The following NLGN1 variants were observed in gnomAD, a reference collection of about 807,000 sequenced individuals.
NLGN1 encodes neuroligin-1.
In NLGN1, 12 loss-of-function variants were observed where a neutral mutation model predicts 65.5. That is an observed-to-expected ratio of 0.18 (90% CI 0.12 to 0.30). The LOEUF (loss-of-function observed/expected upper bound fraction) is 0.30. Among genes scored for constraint, NLGN1 ranks in the 10% least tolerant of loss-of-function variants. The probability of loss-of-function intolerance (pLI) is 1.00; values close to 1 mark genes in which losing one functional copy is unlikely to be tolerated. For synonymous variants in NLGN1, 350 were observed against 359.5 expected (o/e 0.97, Z 0.30); for missense variants, 750 against 1,007.1 (o/e 0.74, Z 3.46).
Position 174,280,969 on chromosome 3 carries a change from GC to G in NLGN1, c.2141del (p.Pro714LeufsTer9). The G allele has an allele frequency of 6.2e-7, 1 of 1,613,356 alleles. No homozygotes were observed. Among genetic ancestry groups the G allele is most frequent in the Non-Finnish European group, 8.5e-7 (1 of 1,179,598 alleles). On this transcript the variant is annotated frameshift_variant, in exon 7 of 7. Transcript: ENST00000457714. LOFTEE classifies it high-confidence loss of function. The surrounding 1 kb of genome is among the most constrained non-coding windows in gnomAD (Gnocchi z 4.9). ...AGACATGATGTTCACAGGAGATGCAGCCCTCAGCGCACTACTACCAATGATC... is the reference window on the plus strand; with the variant it reads ...AGACATGATGTTCACAGGAGATGCAGCCTCAGCGCACTACTACCAATGATC...
intron 4 of NLGN1, among the ~76,000 whole-genome samples, chr3:173,816,700 C>T (rs962149909): frequency 6.6e-6 from 1 of 152,212 alleles, no homozygotes; most frequent in African/African-American, 2.4e-5. Context: ...CATCTCAAAA[C>T]ACTCTTCCTC....
intron 3 of NLGN1, among the ~76,000 whole-genome samples, chr3:173,743,380 C>T (rs1774924623): frequency 6.6e-6 from 1 of 152,026 alleles, no homozygotes; most frequent in African/African-American, 2.4e-5. Context: ...ACCAGCAGCT[C>T]AAGGGACAAA....
At chr3:173,968,496 C>T (rs1271031398) in intron 4 of NLGN1, among the ~76,000 whole-genome samples, 2 of 151,808 alleles carry the variant, frequency 1.3e-5, no homozygotes, top group African/African-American at 2.4e-5. Context: ...GAGTCAATGA[C>T]CATTTTTGCT....
At chr3:174,205,721 A>G (rs1735271189) in intron 4 of NLGN1, among the ~76,000 whole-genome samples, 1 of 152,232 alleles carries the variant, frequency 6.6e-6, no homozygotes, top group African/African-American at 2.4e-5. Context: ...TAGACAGATG[A>G]CTAATTTGTA....
At chr3:173,480,455 C>T (rs960991478) in intron 2 of NLGN1, among the ~76,000 whole-genome samples, 3 of 151,886 alleles carry the variant, frequency 2.0e-5, no homozygotes, top group Admixed American at 6.6e-5. Context: ...ATGGTTTGCA[C>T]GTATGCACTC....
intron 4 of NLGN1, among the ~76,000 whole-genome samples, chr3:173,964,173 G>A (rs899929839): frequency 2.0e-5 from 3 of 152,150 alleles, no homozygotes; most frequent in African/African-American, 7.2e-5. Flanking sequence ...GCAGACAGAT[G>A]ATATGACAGT....
chr3:173,409,015 G>A (rs928326491), intron 1 of NLGN1, among the ~76,000 whole-genome samples: 1 of 151,814 alleles, frequency 6.6e-6, no homozygotes, highest in Non-Finnish European at 1.5e-5. Flanking sequence ...ATTTCTTCAC[G>A]AGCCTTCTCT....
chr3:173,406,354 A>G (rs958934682), intron 1 of NLGN1, among the ~76,000 whole-genome samples: 1 of 151,708 alleles, frequency 6.6e-6, no homozygotes, highest in African/African-American at 2.4e-5. Context: ...ATCAGTAAGA[A>G]GCAAGAGAAA....
chr3:173,658,623 A>C lies in NLGN1; in HGVS notation c.493+53532A>C, dbSNP rs147663134. ...AGAACCGGGAAAAATGATTCAGTGA[A>C]GGCATCACAGCCTTCTTGCTACTTT... is the stretch of plus-strand genomic sequence containing the variant. On this transcript the variant is annotated intron_variant, in intron 3 of 6. Transcript: ENST00000457714. 5.4e-4 allele frequency among the ~76,000 whole-genome samples: 82 copies of C among 152,104 alleles called. 1 individual carries two copies. Among genetic ancestry groups the C allele is most frequent in the African/African-American group, 1.9e-3 (81 of 41,548 alleles).
intron 4 of NLGN1, among the ~76,000 whole-genome samples, chr3:173,954,561 T>C (rs903702258): frequency 1.3e-5 from 2 of 152,094 alleles, no homozygotes; most frequent in African/African-American, 2.4e-5. Context: ...ATTTCAAATG[T>C]CACTTCTTGA....
At position 173,800,020 on chromosome 3, in the gene NLGN1, T is replaced by TAA. The variant is rs34809469; in HGVS notation, c.494-7657_494-7656dup. On this transcript the variant is annotated intron_variant, in intron 3 of 6. Coordinates refer to ENST00000457714, the Ensembl canonical transcript of NLGN1. ...CAATGGGTATTTTTTTTTTTTTTTT[T>TAA]AAAAGTCTTTGCTCATGACTTGATT... is the stretch of plus-strand genomic sequence containing the variant. Among the ~76,000 whole-genome samples the TAA allele has an allele frequency of 3.8e-4, 54 of 141,246 alleles. 1 individual carries two copies. The highest frequency in any genetic ancestry group is 1.2e-3 in the African/African-American group (47 of 38,384). 92.7% of individuals were successfully genotyped at this position (141,246 alleles called of 152,430 possible).
chr3:174,133,598 G>A (rs1480556835), intron 4 of NLGN1, among the ~76,000 whole-genome samples: 3 of 152,080 alleles, frequency 2.0e-5, no homozygotes, highest in Non-Finnish European at 2.9e-5. Flanking sequence ...TTGACAATCC[G>A]AGTTACGCAA....
chr3:173,611,358 G>C (rs1752261845), intron 3 of NLGN1, among the ~76,000 whole-genome samples: 1 of 151,934 alleles, frequency 6.6e-6, no homozygotes. Flanking sequence ...TTGGCCAACT[G>C]TTTCCTTTGA....
rs535290098 is a variant in NLGN1 at position 174,112,514 on chromosome 3, G to A, written c.647-162801G>A. On this transcript the variant is annotated intron_variant, in intron 4 of 6. Coordinates refer to ENST00000457714, the Ensembl canonical transcript of NLGN1. ...TCTATTTCTCCTTTTTAGACTCAGT[G>A]CCATTTCGGTGATATTTGCTAATAT... 2.5e-4 allele frequency among the ~76,000 whole-genome samples: 38 copies of A among 151,938 alleles called. No homozygotes were observed. In the South Asian group the frequency reaches 6.4e-3, roughly 26 times the overall value.
chr3:173,938,744 C>G (rs1379816755), intron 4 of NLGN1, among the ~76,000 whole-genome samples: 2 of 152,112 alleles, frequency 1.3e-5, no homozygotes, highest in African/African-American at 2.4e-5. Flanking sequence ...CTTAGCCCCC[C>G]TCTTTTCTAC....
intron 3 of NLGN1, among the ~76,000 whole-genome samples, chr3:173,638,789 T>C (rs1756982602): frequency 6.6e-6 from 1 of 152,224 alleles, no homozygotes; most frequent in African/African-American, 2.4e-5. Context: ...TATAAGTTCA[T>C]TGTGAGATGT....
In NLGN1 at chr3:173,772,363, A is replaced by G. The variant is rs545883243; in HGVS notation, c.494-35317A>G. On this transcript the variant is annotated intron_variant, in intron 3 of 6. Transcript: ENST00000457714. ...CCGGGCATGGTGGCTCACTCCTGCA[A>G]TCCCAGCACTTCGGGAGGCTGAGGC... Among the ~76,000 whole-genome samples the G allele has an allele frequency of 2.0e-3, 312 of 152,286 alleles. 2 individuals carry two copies. Among genetic ancestry groups the G allele is most frequent in the African/African-American group, 7.2e-3 (299 of 41,566 alleles).
At chr3:174,211,877 C>T (rs1250605506) in intron 4 of NLGN1, among the ~76,000 whole-genome samples, 1 of 152,224 alleles carries the variant, frequency 6.6e-6, no homozygotes, top group East Asian at 1.9e-4. Context: ...CTCTCCACAT[C>T]CCCACCAGAC....
intron 3 of NLGN1, among the ~76,000 whole-genome samples, chr3:173,670,780 C>T (rs979031517): frequency 7.2e-5 from 11 of 152,008 alleles, no homozygotes; most frequent in Non-Finnish European, 1.0e-4. Context: ...TAGCATAAAA[C>T]GATGTTTATC....
Sources: allele counts gnomAD v4.1 joint callset (sites outside exome capture counted in the v4.1 genomes callset), GRCh38; gene constraint gnomAD v4.1.1; non-coding constraint Gnocchi (gnomAD v3.1); transcripts MANE v1.5; gene names NCBI Gene and HGNC (gene_info 2026-07-23, HGNC 2026-07-21).